The following LIMA1 variants were observed in gnomAD, a reference collection of about 807,000 sequenced individuals.
LIMA1 encodes the protein LIM domain and actin binding 1.
A neutral mutation model predicts 62.6 loss-of-function variants in LIMA1; 52 were observed. The ratio of observed to expected loss-of-function variants is 0.83; its 90% confidence interval spans 0.67 to 1.05. The LOEUF is 1.05. Ranked by LOEUF, LIMA1 falls within the 50% of genes least tolerant of loss-of-function variation. The pLI, the probability that LIMA1 is intolerant of heterozygous loss-of-function variation, is 0.00. For missense variants in LIMA1, 780 were observed against 902.2 expected (o/e 0.86, Z 1.74); for synonymous variants, 302 against 317.8 (o/e 0.95, Z 0.53).
At chr12:50,200,382 G>A (rs1351579579) in intron 7 of LIMA1, among the ~76,000 whole-genome samples, 2 of 151,400 alleles carry the variant, frequency 1.3e-5, no homozygotes. Flanking sequence ...TATATTTTTA[G>A]TAGAGATGGG....
intron 9 of LIMA1, chr12:50,185,824 G>T (rs1050863625): frequency 5.0e-6 from 1 of 199,532 alleles, no homozygotes; most frequent in Admixed American, 5.3e-5. Flanking sequence ...TTAATAGATT[G>T]CTAGCTCACA....
intron 1 of LIMA1, among the ~76,000 whole-genome samples, chr12:50,263,826 T>TAG (rs140497543): frequency 0.022 from 2,739 of 121,898 alleles, 106 homozygotes; most frequent in African/African-American, 0.079. Flanking sequence ...TATATATATA[T>TAG]AGAGAGAGTA....
intron 7 of LIMA1, 103 bp downstream of exon 7, chr12:50,200,674 C>T: frequency 7.6e-7 from 1 of 1,310,052 alleles, no homozygotes; most frequent in Non-Finnish European, 1.1e-6. Context: ...TTACCAAATT[C>T]CCAGACACTC....
intron 1 of LIMA1, among the ~76,000 whole-genome samples, chr12:50,250,046 C>T (rs545061871): frequency 9.9e-5 from 15 of 152,068 alleles, no homozygotes; most frequent in African/African-American, 3.6e-4. Flanking sequence ...AATCTCAACA[C>T]TTTGGGAGGC....
chr12:50,211,653 G>GCAAA (rs1033605450), intron 4 of LIMA1, among the ~76,000 whole-genome samples: 2 of 152,158 alleles, frequency 1.3e-5, no homozygotes, highest in East Asian at 1.9e-4. Context: ...TCAAAAGCAA[G>GCAAA]CAAACAAACA....
rs1225041444 is a variant in LIMA1 at position 50,177,741 on chromosome 12, G to A, written c.1603C>T (p.Pro535Ser). The A allele has an allele frequency of 5.6e-6, 9 of 1,613,962 alleles. No homozygotes were observed. Among genetic ancestry groups the A allele is most frequent in the African/African-American group, 1.3e-5 (1 of 74,906 alleles). ...CTTCCTGAACTTCCAAGTTCAGTGGGGGGTGGCCAGGCGATCCTCAGCTTC... is the reference window on the plus strand; with the variant it reads ...CTTCCTGAACTTCCAAGTTCAGTGGAGGGTGGCCAGGCGATCCTCAGCTTC... ...TKKLRIAWPP[P>S]TELGSSGSAL... The change falls in exon 11 of 11, where the codon CCC becomes TCC. Residue 535 changes from proline to serine, a missense_variant. Transcript: ENST00000341247.
At chr12:50,275,676 A>G (rs1360366160) in intron 1 of LIMA1, among the ~76,000 whole-genome samples, 1 of 152,158 alleles carries the variant, frequency 6.6e-6, no homozygotes, top group Non-Finnish European at 1.5e-5. Context: ...AGGGTGGGGA[A>G]GGGGAGGAGC....
At chr12:50,205,858 T>A in intron 5 of LIMA1, 126 bp downstream of exon 5, 1 of 446,890 alleles carries the variant, frequency 2.2e-6, no homozygotes. Context: ...GGCTTGCATC[T>A]AATAGGCAGA....
At chr12:50,263,751 C>T (rs1293803404) in intron 1 of LIMA1, among the ~76,000 whole-genome samples, 1 of 149,834 alleles carries the variant, frequency 6.7e-6, no homozygotes, top group Non-Finnish European at 1.5e-5. Context: ...AGATTAAACA[C>T]AGAGTTACCA....
At chr12:50,255,915 A>C (rs186443537) in intron 1 of LIMA1, among the ~76,000 whole-genome samples, 1 of 151,712 alleles carries the variant, frequency 6.6e-6, no homozygotes, top group African/African-American at 2.4e-5. Flanking sequence ...TTTGAGATGG[A>C]GTCTCACTCT....
At chr12:50,261,106 G>A (rs1326042644) in intron 1 of LIMA1, among the ~76,000 whole-genome samples, 2 of 136,198 alleles carry the variant, frequency 1.5e-5, no homozygotes, top group Non-Finnish European at 3.1e-5. Flanking sequence ...AGGCTGGAGG[G>A]CAGTGGCGTG....
chr12:50,202,480 C>T (rs1027135277), intron 6 of LIMA1, among the ~76,000 whole-genome samples: 5 of 152,142 alleles, frequency 3.3e-5, no homozygotes, highest in Non-Finnish European at 7.3e-5. Context: ...GCAGTAAAAT[C>T]TGGTAACAAG....
At chr12:50,261,240 A>G (rs572549493) in intron 1 of LIMA1, among the ~76,000 whole-genome samples, 1 of 150,960 alleles carries the variant, frequency 6.6e-6, no homozygotes, top group East Asian at 1.9e-4. Context: ...TTTTCAGTAG[A>G]GATGGGTTTC....
In LIMA1 at chr12:50,195,837, A is replaced by G; in HGVS notation, c.1023T>C (p.Asp341=). The change falls in exon 8 of 11, where the codon GAT becomes GAC. Residue 341 remains aspartate (D), a synonymous_variant. Coordinates refer to ENST00000341247, the MANE Select transcript of LIMA1 (RefSeq NM_016357.5). The part of the protein sequence containing the change: ...SLAVRSTPAE[D]DSRDSQVKSE... Reference sequence around the variant, plus strand: ...CTAAGAAAGAATGCTTACGGGAGTCATCTTCGGCAGGGGTGGAACGGACTG... The same window carrying G: ...CTAAGAAAGAATGCTTACGGGAGTCGTCTTCGGCAGGGGTGGAACGGACTG... 6.3e-7 allele frequency: 1 copy of G among 1,597,752 alleles called. No homozygotes were observed. Among genetic ancestry groups the G allele is most frequent in the Non-Finnish European group, 8.5e-7 (1 of 1,175,218 alleles).
Position 50,190,682 on chromosome 12 carries a change from ATTTTTTTTTTTTTTTTTTTTTT to A in LIMA1, c.1140+1748_1140+1769del, listed in dbSNP as rs762182699. Among the ~76,000 whole-genome samples, 11 of 93,038 alleles carry A rather than the reference ATTTTTTTTTTTTTTTTTTTTTT, an allele frequency of 1.2e-4. 1 individual carries two copies. The highest frequency in any genetic ancestry group is 3.5e-4 in the African/African-American group (8 of 22,580). 61.0% of individuals were successfully genotyped at this position (93,038 alleles called of 152,430 possible). Reference sequence around the variant, plus strand: ...GGCGTGAGCCACCACACCCGGCCTCATTTTTTTTTTTTTTTTTTTTTTTTTTTTTTTTTTTTCAGAAAATGGG... The same window carrying A: ...GGCGTGAGCCACCACACCCGGCCTCATTTTTTTTTTTTTTCAGAAAATGGG... On this transcript the variant is annotated intron_variant, in intron 9 of 10. Transcript: ENST00000341247.
intron 3 of LIMA1, among the ~76,000 whole-genome samples, chr12:50,225,970 T>C (rs947088267): frequency 2.6e-5 from 4 of 152,248 alleles, no homozygotes; most frequent in African/African-American, 9.6e-5. Flanking sequence ...TCATTATTAA[T>C]TTACATTTAT....
chr12:50,241,060 C>T (rs1052919161), intron 2 of LIMA1, among the ~76,000 whole-genome samples: 2 of 152,180 alleles, frequency 1.3e-5, no homozygotes, highest in East Asian at 3.9e-4. Flanking sequence ...GTTTGGTAAT[C>T]TTGACAATCC....
At chr12:50,182,365 G>C (rs979508328) in intron 9 of LIMA1, among the ~76,000 whole-genome samples, 2 of 152,052 alleles carry the variant, frequency 1.3e-5, no homozygotes, top group African/African-American at 2.4e-5. Context: ...GGTCGGGGGG[G>C]GGAGTGCAGG....
chr12:50,226,700 G>C (rs922419012), intron 3 of LIMA1, among the ~76,000 whole-genome samples: 2 of 152,040 alleles, frequency 1.3e-5, no homozygotes, highest in Non-Finnish European at 2.9e-5. Context: ...TTAGGTGGGC[G>C]TGGTGGCGTG....
Sources: gnomAD v4.1 joint callset for allele counts (sites outside exome capture counted in the v4.1 genomes callset) on GRCh38, gnomAD v4.1.1 for gene constraint, MANE v1.5 for transcripts, NCBI Gene and HGNC (gene_info 2026-07-23, HGNC 2026-07-21) for gene names.